PPP2CB: variants seen among roughly 807,000 people sequenced by gnomAD.
PPP2CB encodes the protein protein phosphatase 2 catalytic subunit beta, also known as serine/threonine-protein phosphatase 2A catalytic subunit beta isoform.
PPP2CB carries 18 observed loss-of-function variants against 39.1 expected under a neutral mutation model. The observed-to-expected ratio is 0.46, with a 90% confidence interval of 0.32 to 0.68. PPP2CB has a LOEUF of 0.68. Ranked by LOEUF, PPP2CB falls within the 30% of genes least tolerant of loss-of-function variation. The pLI is 0.04. For synonymous variants in PPP2CB, 129 were observed against 133.8 expected (o/e 0.96, Z 0.25); for missense variants, 226 against 396.9 (o/e 0.57, Z 3.66).
chr8:30,804,043 A>G (rs2128762265), intron 1 of PPP2CB, among the ~76,000 whole-genome samples: 1 of 152,230 alleles, frequency 6.6e-6, no homozygotes, highest in South Asian at 2.1e-4. Context: ...GACTGGTCTC[A>G]AACCCCTGAC....
chr8:30,804,792 G>A (rs1369253177), intron 1 of PPP2CB, among the ~76,000 whole-genome samples: 1 of 152,102 alleles, frequency 6.6e-6, no homozygotes, highest in Admixed American at 6.6e-5. Flanking sequence ...GGTGAGAACA[G>A]TGTTAGGGAC....
chr8:30,812,522 C>T lies in PPP2CB; in HGVS notation c.-101G>A, dbSNP rs1200021203. On this transcript the variant is annotated 5_prime_UTR_variant, in exon 1 of 7. Transcript: ENST00000221138. ...CCGGCCCGGGCGCCGCTCCCCTCTCCCTCCGCCGCCGTCGCCAGGTCCCAC... is the reference window on the plus strand; with the variant it reads ...CCGGCCCGGGCGCCGCTCCCCTCTCTCTCCGCCGCCGTCGCCAGGTCCCAC... 33 of 783,566 alleles carry T rather than the reference C, an allele frequency of 4.2e-5. No homozygotes were observed. The African/African-American group carries it at 5.2e-4, about 12-fold the overall frequency. 48.5% of individuals were successfully genotyped at this position (783,566 alleles called of 1,614,324 possible).
chr8:30,809,076 ATT>A (rs777467309), intron 1 of PPP2CB, among the ~76,000 whole-genome samples: 30 of 139,178 alleles, frequency 2.2e-4, no homozygotes, highest in East Asian at 2.1e-4. Context: ...CGCCCAGCTA[ATT>A]TTTTTTTTTT....
Position 30,785,647 on chromosome 8 carries a change from A to T in PPP2CB, c.*588T>A, listed in dbSNP as rs1011487916. 1 of 181,368 alleles carries T rather than the reference A, an allele frequency of 5.5e-6. No homozygotes were observed. Among genetic ancestry groups the T allele is most frequent in the Non-Finnish European group, 1.2e-5 (1 of 86,206 alleles). 11.2% of individuals were successfully genotyped at this position (181,368 alleles called of 1,614,324 possible). On this transcript the variant is annotated 3_prime_UTR_variant, in exon 7 of 7. Transcript: ENST00000221138. Reference sequence around the variant, plus strand: ...TTTAAAATGAAAAGTTTATTTGCTGAGTACACCAAATAGGATGCAAGCACT... The same window carrying T: ...TTTAAAATGAAAAGTTTATTTGCTGTGTACACCAAATAGGATGCAAGCACT...
chr8:30,796,713 C>A (rs1207598682), intron 3 of PPP2CB, among the ~76,000 whole-genome samples: 1 of 152,166 alleles, frequency 6.6e-6, no homozygotes, highest in Non-Finnish European at 1.5e-5. Flanking sequence ...AAATTTAAAT[C>A]AGTTCATGCT....
chr8:30,811,991 G>A (rs536336452), intron 1 of PPP2CB, among the ~76,000 whole-genome samples: 6 of 152,294 alleles, frequency 3.9e-5, no homozygotes, highest in Non-Finnish European at 8.8e-5. Flanking sequence ...GAACTCCCCA[G>A]TGGAGCGCAG....
In PPP2CB at chr8:30,794,204, T is replaced by C; in HGVS notation, c.564A>G (p.Glu188=). Residue 188 remains glutamate, a synonymous_variant, in exon 4 of 7, where the codon GAA becomes GAG. Transcript: ENST00000221138. The part of the protein sequence containing the change: ...DHIRALDRLQ[E]VPHEGPMCDL... ...AAATTAAGTTTACCTCATGTGGAAC[T>C]TCCTGTAAACGATCCAGGGCTCTTA... 6.2e-7 allele frequency: 1 copy of C among 1,613,826 alleles called. No individual in the cohort carries two copies. Among genetic ancestry groups the C allele is most frequent in the Non-Finnish European group, 8.5e-7 (1 of 1,179,866 alleles).
chr8:30,807,152 CT>C, intron 1 of PPP2CB, among the ~76,000 whole-genome samples: 2 of 152,244 alleles, frequency 1.3e-5, no homozygotes, highest in East Asian at 3.9e-4. Flanking sequence ...AAGAAAGGAG[CT>C]ATTTTATCAC....
chr8:30,800,719 C>G (rs555018739), intron 1 of PPP2CB, among the ~76,000 whole-genome samples: 1 of 152,178 alleles, frequency 6.6e-6, no homozygotes, highest in African/African-American at 2.4e-5. Flanking sequence ...AAAAATGTAT[C>G]TAACCCACCA....
At chr8:30,803,053 G>C (rs911921723) in intron 1 of PPP2CB, among the ~76,000 whole-genome samples, 1 of 152,208 alleles carries the variant, frequency 6.6e-6, no homozygotes, top group African/African-American at 2.4e-5. Flanking sequence ...TTTGGAAGAA[G>C]TGATGCTAGC....
intron 5 of PPP2CB, chr8:30,791,521 CAG>C: frequency 4.9e-6 from 2 of 410,670 alleles, no homozygotes; most frequent in South Asian, 4.9e-5. Flanking sequence ...CTGTTAAATG[CAG>C]CTCGCTAATT....
chr8:30,793,313 T>C (rs951487628), intron 5 of PPP2CB: 4 of 152,346 alleles, frequency 2.6e-5, no homozygotes, highest in Middle Eastern at 6.8e-3. Context: ...GATTTCCACA[T>C]CAAAGTAGAA....
chr8:30,812,791 T>A lies in PPP2CB; in HGVS notation c.-370A>T, dbSNP rs1251696011. ...CAGGCCCGCCTCACGCCTACCGGCC[T>A]CTCCCGACTTGTCTTTCCCCTTCTC... On this transcript the variant is annotated 5_prime_UTR_variant, in exon 1 of 7. Coordinates refer to ENST00000221138, the MANE Select transcript of PPP2CB (RefSeq NM_001009552.2). The A allele has an allele frequency of 4.3e-6, 2 of 463,724 alleles. No individual in the cohort carries two copies. Among genetic ancestry groups the A allele is most frequent in the South Asian group, 3.1e-5 (2 of 64,604 alleles). 28.7% of individuals were successfully genotyped at this position (463,724 alleles called of 1,614,324 possible).
rs1055478633 is a variant in PPP2CB, at chr8:30,794,004, G to C, written c.651C>G (p.Gly217=). Residue 217 remains glycine, a synonymous_variant, in exon 5 of 7, where the codon GGC becomes GGG. Transcript: ENST00000221138. ...CAGAAATGTCTTGTCCAAATGTGTA[G>C]CCAGCACCACGTGGTGAAATACCCC... The part of the protein sequence containing the change: ...GGWGISPRGA[G]YTFGQDISET... 6.2e-7 allele frequency: 1 copy of C among 1,613,388 alleles called. No homozygotes were observed. Among genetic ancestry groups the C allele is most frequent in the African/African-American group, 1.3e-5 (1 of 74,900 alleles).
chr8:30,803,193 T>C (rs1382867827), intron 1 of PPP2CB, among the ~76,000 whole-genome samples: 3 of 152,206 alleles, frequency 2.0e-5, no homozygotes, highest in African/African-American at 7.2e-5. Flanking sequence ...GCTTTTGTTT[T>C]TTTTTAAGAC....
In PPP2CB at chr8:30,805,968, T is replaced by G. The variant is rs561318300; in HGVS notation, c.103-6213A>C. ...CACAACAGCAAACCAGTTCTAAGCT[T>G]GAGTGCTTGAGCTCTCCCATTCTCT... is the stretch of plus-strand genomic sequence containing the variant. On this transcript the variant is annotated intron_variant, in intron 1 of 6. Transcript: ENST00000221138. 2.6e-5 allele frequency among the ~76,000 whole-genome samples: 4 copies of G among 152,154 alleles called. No homozygotes were observed. In the East Asian group the frequency reaches 7.7e-4, roughly 29 times the overall value.
chr8:30,793,766 T>C, intron 5 of PPP2CB, 151 bp downstream of exon 5: 1 of 829,690 alleles, frequency 1.2e-6, no homozygotes, highest in Non-Finnish European at 1.8e-6. Flanking sequence ...GGTCTACTAG[T>C]GCTTTCCCTA....
At chr8:30,803,224 A>C (rs1806655861) in intron 1 of PPP2CB, among the ~76,000 whole-genome samples, 1 of 152,082 alleles carries the variant, frequency 6.6e-6, no homozygotes, top group African/African-American at 2.4e-5. Flanking sequence ...TCTTCTTGAC[A>C]AATACAGGTA....
chr8:30,794,364 T>G (rs1348730167), intron 3 of PPP2CB, 83 bp from the exon 4 acceptor site: 4 of 1,189,226 alleles, frequency 3.4e-6, no homozygotes, highest in Non-Finnish European at 3.7e-6. Flanking sequence ...GTTAAAAGTG[T>G]CAGTCCAAAT....
Sources: gnomAD v4.1 joint callset for allele counts (sites outside exome capture counted in the v4.1 genomes callset) on GRCh38, gnomAD v4.1.1 for gene constraint, MANE v1.5 for transcripts, NCBI Gene and HGNC (gene_info 2026-07-23, HGNC 2026-07-21) for gene names.